Variants in ACP3 observed in about 807,000 individuals in gnomAD.
The protein encoded by ACP3 is prostatic acid phosphatase.
Under a neutral mutation model 45.6 loss-of-function variants are expected in ACP3, and 38 were observed. That is an observed-to-expected ratio of 0.83 (90% CI 0.64 to 1.09). The LOEUF is 1.09. Ranked by LOEUF, ACP3 falls within the 50% of genes least tolerant of loss-of-function variation. The probability of loss-of-function intolerance (pLI) is 0.00; values close to 1 mark genes in which losing one functional copy is unlikely to be tolerated. For missense variants in ACP3, 466 were observed against 463.2 expected, an observed-to-expected ratio of 1.01 and a Z score of -0.05; for synonymous variants, 162 against 164.7, an observed-to-expected ratio of 0.98 and a Z score of 0.13.
At chr3:132,326,258 G>C (rs1327369582) in intron 1 of ACP3, among the ~76,000 whole-genome samples, 1 of 152,162 alleles carries the variant, frequency 6.6e-6, no homozygotes, top group Non-Finnish European at 1.5e-5. Context: ...CTGAGGTTGA[G>C]AAGCCCTAGA....
intron 9 of ACP3, among the ~76,000 whole-genome samples, chr3:132,353,470 A>G (rs1249928622): frequency 2.6e-5 from 4 of 152,246 alleles, no homozygotes; most frequent in African/African-American, 7.2e-5. Flanking sequence ...CATACCAAAA[A>G]TATTTATCTG....
intron 9 of ACP3, among the ~76,000 whole-genome samples, chr3:132,355,417 T>C (rs931303860): frequency 2.1e-4 from 32 of 152,292 alleles, no homozygotes; most frequent in African/African-American, 7.5e-4. Flanking sequence ...TTCCAAGATA[T>C]AAGTACCCAT....
chr3:132,364,031 G>A (rs888496569), intron 10 of ACP3, among the ~76,000 whole-genome samples: 29 of 151,688 alleles, frequency 1.9e-4, no homozygotes, highest in East Asian at 2.0e-4. Flanking sequence ...TTTGCCCCAC[G>A]TCAAACCAAG....
At chr3:132,356,413 C>T (rs1186976678) in intron 9 of ACP3, among the ~76,000 whole-genome samples, 1 of 152,120 alleles carries the variant, frequency 6.6e-6, no homozygotes, top group Non-Finnish European at 1.5e-5. Flanking sequence ...TCCCTGCAAC[C>T]ATCACTTCTC....
intron 7 of ACP3, among the ~76,000 whole-genome samples, chr3:132,346,024 C>A (rs893907805): frequency 6.6e-6 from 1 of 152,198 alleles, no homozygotes; most frequent in African/African-American, 2.4e-5. Context: ...CACACATATT[C>A]AAGGCATTTT....
intron 5 of ACP3, among the ~76,000 whole-genome samples, chr3:132,338,595 A>G (rs958162718): frequency 6.6e-6 from 1 of 152,202 alleles, no homozygotes; most frequent in African/African-American, 2.4e-5. Context: ...AGGTTTTACT[A>G]CTTTCTACTT....
chr3:132,319,832 G>A (rs532293607), intron 1 of ACP3, among the ~76,000 whole-genome samples: 1 of 152,274 alleles, frequency 6.6e-6, no homozygotes, highest in East Asian at 1.9e-4. Flanking sequence ...AGATCCCCCT[G>A]TAAGGTTTGC....
At chr3:132,349,583 C>T (rs773653915) in intron 7 of ACP3, among the ~76,000 whole-genome samples, 1 of 152,154 alleles carries the variant, frequency 6.6e-6, no homozygotes, top group Non-Finnish European at 1.5e-5. Flanking sequence ...CCAAGCTTAT[C>T]AGCCTCCTAA....
chr3:132,350,346 G>A (rs1937698640), intron 8 of ACP3, among the ~76,000 whole-genome samples: 1 of 152,200 alleles, frequency 6.6e-6, no homozygotes, highest in African/African-American at 2.4e-5. Context: ...ACATCAAAAT[G>A]AAAGGGGTTA....
chr3:132,333,787 G>C (rs978131370), intron 4 of ACP3, among the ~76,000 whole-genome samples: 14 of 152,266 alleles, frequency 9.2e-5, no homozygotes, highest in African/African-American at 2.9e-4. Context: ...ATAAAGACTG[G>C]AGGTCAGGTG....
At position 132,349,905 on chromosome 3, in the gene ACP3, T is replaced by C. The variant is rs1415073689; in HGVS notation, c.782-15T>C. 1.3e-6 allele frequency: 2 copies of C among 1,587,604 alleles called. No individual in the cohort carries two copies. Among genetic ancestry groups the C allele is most frequent in the South Asian group, 2.2e-5 (2 of 90,066 alleles). On this transcript the variant is annotated splice_polypyrimidine_tract_variant and intron_variant, in intron 7 of 9. Coordinates refer to ENST00000336375, the MANE Select transcript of ACP3 (RefSeq NM_001099.5). ...ATGTTTGGTTCAGTTTGGTTATTGATTCATCTTCTTTAAGGTGTCCTGGTC... is the reference window on the plus strand; with the variant it reads ...ATGTTTGGTTCAGTTTGGTTATTGACTCATCTTCTTTAAGGTGTCCTGGTC...
chr3:132,360,333 A>G (rs1938017907), downstream of ACP3, among the ~76,000 whole-genome samples: 1 of 151,586 alleles, frequency 6.6e-6, no homozygotes, highest in African/African-American at 2.4e-5. Flanking sequence ...AAAAAAAACA[A>G]TACAGGACAC....
chr3:132,358,347 G>T lies in ACP3; in HGVS notation c.*1469G>T, dbSNP rs570964378. The T allele has an allele frequency of 1.7e-6, 2 of 1,146,662 alleles. No homozygotes were observed. The highest frequency in any genetic ancestry group is 2.2e-6 in the Non-Finnish European group (2 of 906,496). The allele number at this position is 1,146,662 out of a possible 1,614,324, so 71.0% of individuals were successfully genotyped here. ...TGTTGAGAGTGTGGTTACGAAATAC[G>T]TTAGGAGGACAAAAGGAATGTGTAA... On this transcript the variant is annotated 3_prime_UTR_variant, in exon 10 of 10. Coordinates refer to ENST00000336375, the MANE Select transcript of ACP3 (RefSeq NM_001099.5).
chr3:132,335,877 T>C (rs1413610726), intron 4 of ACP3, among the ~76,000 whole-genome samples: 1 of 152,206 alleles, frequency 6.6e-6, no homozygotes, highest in Non-Finnish European at 1.5e-5. Context: ...TGAGTTTTGA[T>C]TTTATTTTAG....
rs542657584 is a variant in ACP3 at position 132,358,635 on chromosome 3, T to C, written c.*1757T>C. The stretch of plus-strand genomic sequence containing the variant: ...CTGACAAAGACATCGATTGATATGC[T>C]TCTTTGTGTTATTTCCCTCCCAAGT... On this transcript the variant is annotated 3_prime_UTR_variant, in exon 10 of 10. Coordinates refer to ENST00000336375, the MANE Select transcript of ACP3 (RefSeq NM_001099.5). The C allele has an allele frequency of 3.8e-5, 39 of 1,038,172 alleles. No individual in the cohort carries two copies. The African/African-American group carries it at 6.0e-4, about 16-fold the overall frequency. 64.3% of individuals were successfully genotyped at this position (1,038,172 alleles called of 1,614,324 possible).
rs1157495280 is a variant in ACP3, at chr3:132,358,208, A to G, written c.*1330A>G. The G allele has an allele frequency of 9.2e-7, 1 of 1,086,598 alleles. No individual in the cohort carries two copies. Among genetic ancestry groups the G allele is most frequent in the African/African-American group, 1.6e-5 (1 of 60,654 alleles). 67.3% of individuals were successfully genotyped at this position (1,086,598 alleles called of 1,614,324 possible). ...TGTGTTCAAGACCAGCCTGGTCAAC[A>G]TAGTGAGACACTGTCTCTACCAAAA... On this transcript the variant is annotated 3_prime_UTR_variant, in exon 10 of 10. Coordinates refer to ENST00000336375, the MANE Select transcript of ACP3 (RefSeq NM_001099.5).
At chr3:132,355,795 C>T (rs1937878340) in intron 9 of ACP3, among the ~76,000 whole-genome samples, 2 of 152,186 alleles carry the variant, frequency 1.3e-5, no homozygotes, top group African/African-American at 2.4e-5. Flanking sequence ...GGATTACAGG[C>T]GTGAGCCACT....
chr3:132,352,480 G>A (rs1316142154), intron 8 of ACP3, among the ~76,000 whole-genome samples: 2 of 151,884 alleles, frequency 1.3e-5, no homozygotes, highest in Admixed American at 1.3e-4. Flanking sequence ...TTACAGGCAT[G>A]AGCTACCACG....
chr3:132,357,960 G>A lies in ACP3; in HGVS notation c.*1082G>A, dbSNP rs368290611. ...AAGGCAGGAGGATCACTTGAGCCCC[G>A]GAGGTCGAGGCTACAGTGAGCCAAG... On this transcript the variant is annotated 3_prime_UTR_variant, in exon 10 of 10. Transcript: ENST00000336375. 2.5e-4 allele frequency: 43 copies of A among 171,072 alleles called. No homozygotes were observed. The highest frequency in any genetic ancestry group is 4.0e-4 in the Non-Finnish European group (34 of 85,462). The allele number at this position is 171,072 out of a possible 1,614,324, so 10.6% of individuals were successfully genotyped here.
Sources: gnomAD v4.1 joint callset for allele counts (sites outside exome capture counted in the v4.1 genomes callset) on GRCh38, gnomAD v4.1.1 for gene constraint, MANE v1.5 for transcripts, NCBI Gene and HGNC (gene_info 2026-07-23, HGNC 2026-07-21) for gene names.